THNSL2: variants seen among roughly 807,000 people sequenced by gnomAD.
THNSL2 encodes threonine synthase like 2.
Under a neutral mutation model 40.0 loss-of-function variants are expected in THNSL2, and 34 were observed. That is an observed-to-expected ratio of 0.85 (90% CI 0.65 to 1.13). The LOEUF is 1.13. Ranked by LOEUF, THNSL2 falls within the 50% of genes most tolerant of loss-of-function variation. THNSL2 has a pLI of 0.00. For synonymous variants in THNSL2, 241 were observed against 247.5 expected, an observed-to-expected ratio of 0.97 and a Z score of 0.25; for missense variants, 537 against 608.8, an observed-to-expected ratio of 0.88 and a Z score of 1.24.
chr2:88,180,305 G>C (rs1225214596), intron 5 of THNSL2, among the ~76,000 whole-genome samples: 3 of 152,234 alleles, frequency 2.0e-5, no homozygotes, highest in Non-Finnish European at 4.4e-5. Flanking sequence ...TGTCAGGCAA[G>C]GATATCATGA....
chr2:88,172,375 G>T (rs56052430), intron 1 of THNSL2: 36,069 of 152,082 alleles, frequency 0.24, 4,425 homozygotes, highest in African/African-American at 0.27. Flanking sequence ...CACTTATAAC[G>T]GTCCTAGGAT....
At chr2:88,183,188 G>A (rs568427841) in intron 7 of THNSL2, 115 bp downstream of exon 7, 3 of 1,407,314 alleles carry the variant, frequency 2.1e-6, no homozygotes, top group South Asian at 2.8e-5. Flanking sequence ...TACCTGCTAT[G>A]AGCCCACCAC....
rs904543770 is a variant in THNSL2, at chr2:88,186,269, G to A, written c.*146G>A. The A allele has an allele frequency of 6.3e-5, 50 of 794,324 alleles. No homozygotes were observed. Among genetic ancestry groups the A allele is most frequent in the East Asian group, 5.4e-5 (2 of 37,222 alleles). The allele number at this position is 794,324 out of a possible 1,614,324, so 49.2% of individuals were successfully genotyped here. ...ATCTGGAGCCAGCTGGCTTTGCTCC[G>A]TTCCCTGGCTAGTCTGTGCCTGGTC... On this transcript the variant is annotated 3_prime_UTR_variant, in exon 9 of 9. Transcript: ENST00000674334.
At chr2:88,183,135 G>T (rs1677883798) in intron 7 of THNSL2, 62 bp downstream of exon 7, 1 of 1,573,654 alleles carries the variant, frequency 6.4e-7, no homozygotes, top group Non-Finnish European at 8.7e-7. Context: ...CAGACTTGGG[G>T]TTTGGAAGTC....
chr2:88,177,785 T>C (rs1677094533), intron 4 of THNSL2, among the ~76,000 whole-genome samples: 1 of 152,232 alleles, frequency 6.6e-6, no homozygotes, highest in African/African-American at 2.4e-5. Flanking sequence ...TAACATGTCC[T>C]TGTGGTTCAC....
rs1431974968 is a variant in THNSL2, at chr2:88,185,380, C to A, written c.1130C>A (p.Thr377Asn). ...GTGTCGGATGAAGCCATCACCCAGA[C>A]CATGGGCCGCTGCTGGGATGAGAAC... is the stretch of plus-strand genomic sequence containing the variant. The part of the protein sequence containing the change: ...VSVSDEAITQ[T>N]MGRCWDENQY... Residue 377 changes from threonine (T) to asparagine (N), a missense_variant, in exon 8 of 9, where the codon ACC becomes AAC. By Grantham distance (65) the Thr-to-Asn change is moderately conservative. Coordinates refer to ENST00000674334, the MANE Select transcript of THNSL2 (RefSeq NM_018271.5). 2.5e-5 allele frequency: 40 copies of A among 1,613,964 alleles called. No homozygotes were observed. Among genetic ancestry groups the A allele is most frequent in the Non-Finnish European group, 3.1e-5 (37 of 1,180,036 alleles).
At chr2:88,173,071 C>T (rs1676524665) in intron 1 of THNSL2, 68 bp from the exon 2 acceptor site, 1 of 1,135,930 alleles carries the variant, frequency 8.8e-7, no homozygotes, top group African/African-American at 1.6e-5. Flanking sequence ...ACTGTGTGTG[C>T]TTTGGCTTTG....
intron 7 of THNSL2, 138 bp downstream of exon 7, chr2:88,183,211 T>A: frequency 8.7e-7 from 1 of 1,150,946 alleles, no homozygotes; most frequent in Admixed American, 2.8e-5. Flanking sequence ...TTACGGCCAC[T>A]TTACATGGAA....
chr2:88,175,711 A>C (rs1457443369), intron 4 of THNSL2: 1 of 299,596 alleles, frequency 3.3e-6, no homozygotes, highest in Non-Finnish European at 6.3e-6. Flanking sequence ...GTATGTCAGC[A>C]ACCATGCAGA....
rs1247307579 is a variant in THNSL2, at chr2:88,173,205, C to T, written c.55C>T (p.Leu19Phe). ...CCCACGGGTCAACTTTGAGGGGGCC[C>T]TCTTCTCTGGCTATGCACCTGACGG... ...VAPRVNFEGA[L>F]FSGYAPDGGL... The change falls in exon 2 of 9, where the codon CTC (leucine) becomes TTC (phenylalanine). Residue 19 changes from leucine (L) to phenylalanine (F), a missense_variant. Coordinates refer to ENST00000674334, the MANE Select transcript of THNSL2 (RefSeq NM_018271.5). 6.2e-7 allele frequency: 1 copy of T among 1,607,848 alleles called. No homozygotes were observed. The highest frequency in any genetic ancestry group is 8.5e-7 in the Non-Finnish European group (1 of 1,177,200).
intron 5 of THNSL2, among the ~76,000 whole-genome samples, chr2:88,180,323 A>G (rs1335346778): frequency 6.6e-6 from 1 of 152,242 alleles, no homozygotes; most frequent in Non-Finnish European, 1.5e-5. Context: ...TGATGTTCTC[A>G]TGAGGATCAG....
intron 5 of THNSL2, among the ~76,000 whole-genome samples, chr2:88,180,275 C>A (rs1428501962): frequency 6.6e-6 from 1 of 152,218 alleles, no homozygotes; most frequent in Non-Finnish European, 1.5e-5. Flanking sequence ...CTGGACCTTC[C>A]TGAGCCTCCA....
chr2:88,185,408 G>C lies in THNSL2; in HGVS notation c.1158G>C (p.Gln386His), dbSNP rs371434708. ...QTMGRCWDEN[Q>H]YLLCPHSAVA... ...TGGGCCGCTGCTGGGATGAGAACCA[G>C]TACTTGCTGTGCCCCCACTCAGCGG... The change falls in exon 8 of 9, where the codon CAG (glutamine) becomes CAC (histidine). Residue 386 changes from glutamine to histidine, a missense_variant. Transcript: ENST00000674334. 1.2e-5 allele frequency: 19 copies of C among 1,613,982 alleles called. No individual in the cohort carries two copies. Among genetic ancestry groups the C allele is most frequent in the African/African-American group, 8.0e-5 (6 of 74,900 alleles).
chr2:88,177,920 T>C (rs939206521), intron 4 of THNSL2, among the ~76,000 whole-genome samples: 14 of 152,186 alleles, frequency 9.2e-5, no homozygotes, highest in Non-Finnish European at 1.8e-4. Context: ...CCATTCTGGG[T>C]ACACACATGG....
Position 88,185,315 on chromosome 2 carries a change from T to C in THNSL2, c.1078-13T>C. The C allele has an allele frequency of 6.2e-7, 1 of 1,610,206 alleles. No individual in the cohort carries two copies. Among genetic ancestry groups the C allele is most frequent in the Non-Finnish European group, 8.5e-7 (1 of 1,178,188 alleles). On this transcript the variant is annotated splice_polypyrimidine_tract_variant and intron_variant, in intron 7 of 8. Transcript: ENST00000674334. ...CCCCCCACACCTCATCTTTCTGACC[T>C]GGGACCCTTCAGCTTTCAGAGGCAG...
chr2:88,173,446 C>T (rs1676576395), intron 2 of THNSL2, 73 bp downstream of exon 2: 1 of 1,185,668 alleles, frequency 8.4e-7, no homozygotes. Flanking sequence ...AAATCCATCA[C>T]CAAACCACTA....
In THNSL2 at chr2:88,175,416, A is replaced by G; in HGVS notation, c.571+15A>G. 6.2e-7 allele frequency: 1 copy of G among 1,613,850 alleles called. No individual in the cohort carries two copies. Among genetic ancestry groups the G allele is most frequent in the Non-Finnish European group, 8.5e-7 (1 of 1,179,936 alleles). On this transcript the variant is annotated intron_variant, in intron 4 of 8. Coordinates refer to ENST00000674334, the MANE Select transcript of THNSL2 (RefSeq NM_018271.5). ...TGTGTTTGGAGGTGTGTGCTGAGGC[A>G]GAGGCTCTAGGGACAGTGCAGCCCT... is the stretch of plus-strand genomic sequence containing the variant.
intron 4 of THNSL2, among the ~76,000 whole-genome samples, chr2:88,178,553 A>G (rs1392137961): frequency 2.0e-5 from 3 of 152,216 alleles, no homozygotes; most frequent in Non-Finnish European, 4.4e-5. Flanking sequence ...GTTCTAAGCT[A>G]GGGCAGATAT....
At position 88,183,080 on chromosome 2, in the gene THNSL2, C is replaced by T; in HGVS notation, c.1077+7C>T. On this transcript the variant is annotated splice_region_variant and intron_variant, in intron 7 of 8. Coordinates refer to ENST00000674334, the MANE Select transcript of THNSL2 (RefSeq NM_018271.5). ...CAAGGAACTGCACAGCAAGGTCAGT[C>T]ACTACCCACACACCACAGAGAAAGG... 1 of 1,610,498 alleles carries T rather than the reference C, an allele frequency of 6.2e-7. No individual in the cohort carries two copies. The highest frequency in any genetic ancestry group is 1.1e-5 in the South Asian group (1 of 90,904).
Sources: allele counts gnomAD v4.1 joint callset (sites outside exome capture counted in the v4.1 genomes callset), GRCh38; gene constraint gnomAD v4.1.1; transcripts MANE v1.5; gene names NCBI Gene and HGNC (gene_info 2026-07-23, HGNC 2026-07-21).